The following SV2C variants were observed in gnomAD, a reference collection of about 807,000 sequenced individuals.
SV2C encodes synaptic vesicle glycoprotein 2C.
Under a neutral mutation model 79.7 loss-of-function variants are expected in SV2C, and 49 were observed. The ratio of observed to expected loss-of-function variants is 0.61; its 90% CI spans 0.49 to 0.78. The LOEUF is 0.78. SV2C is among the 30% of genes least tolerant of loss of function. SV2C has a pLI of 0.00. For missense variants in SV2C, 833 were observed against 912.9 expected (o/e 0.91, Z 1.13); for synonymous variants, 334 against 333.2 (o/e 1.00, Z -0.03).
At chr5:76,273,507 C>A (rs571339730) in intron 4 of SV2C, among the ~76,000 whole-genome samples, 1 of 152,184 alleles carries the variant, frequency 6.6e-6, no homozygotes, top group African/African-American at 2.4e-5. Flanking sequence ...AAAAATAAGC[C>A]CATGAATTTG....
chr5:76,279,098 C>A (rs988587107), intron 4 of SV2C, among the ~76,000 whole-genome samples: 8 of 152,210 alleles, frequency 5.3e-5, no homozygotes, highest in African/African-American at 1.9e-4. Flanking sequence ...GTTTTTGACA[C>A]GTGTATCTGG....
chr5:75,851,710 G>A, the SV2C span, among the ~76,000 whole-genome samples: 1 of 151,984 alleles, frequency 6.6e-6, no homozygotes, highest in Non-Finnish European at 1.5e-5. Context: ...GCGCGATCTC[G>A]GCTCACTGCA....
chr5:76,346,438 T>C (rs1291343844), intron 12 of SV2C, among the ~76,000 whole-genome samples: 1 of 152,238 alleles, frequency 6.6e-6, no homozygotes, highest in Admixed American at 6.5e-5. Flanking sequence ...TCCCAGGTTC[T>C]CTGGCTTGAG....
chr5:76,033,884 G>A, the SV2C span, among the ~76,000 whole-genome samples: 1 of 151,592 alleles, frequency 6.6e-6, no homozygotes, highest in Non-Finnish European at 1.5e-5. Flanking sequence ...CCATGAGCAT[G>A]GAATGTTCTT....
the SV2C span, among the ~76,000 whole-genome samples, chr5:75,956,032 C>A: frequency 1.4e-5 from 2 of 145,066 alleles, no homozygotes; most frequent in Non-Finnish European, 3.1e-5. Flanking sequence ...TTGACCCAGC[C>A]ATCCCATTAC....
the SV2C span, among the ~76,000 whole-genome samples, chr5:76,041,581 A>G: frequency 1.3e-5 from 2 of 152,176 alleles, no homozygotes. Context: ...AGAGACAGCG[A>G]ATGGGCTCCA....
intron 4 of SV2C, among the ~76,000 whole-genome samples, chr5:76,268,400 C>T (rs1034179493): frequency 9.2e-5 from 14 of 152,108 alleles, no homozygotes; most frequent in African/African-American, 3.4e-4. Context: ...CTTCGAGAGA[C>T]CTGAAGAGAA....
chr5:76,253,919 G>A (rs1304052060), intron 4 of SV2C, among the ~76,000 whole-genome samples: 1 of 152,042 alleles, frequency 6.6e-6, no homozygotes, highest in Non-Finnish European at 1.5e-5. Context: ...AGATTCTGCT[G>A]CAGACTATTC....
chr5:75,953,249 A>G, the SV2C span, among the ~76,000 whole-genome samples: 11 of 151,894 alleles, frequency 7.2e-5, no homozygotes, highest in African/African-American at 2.4e-4. Context: ...TCTCCCTCCC[A>G]AGGAGAGGAT....
At chr5:75,943,761 C>A in the SV2C span, among the ~76,000 whole-genome samples, 1 of 152,124 alleles carries the variant, frequency 6.6e-6, no homozygotes, top group East Asian at 1.9e-4. Flanking sequence ...ATGCTCAGGG[C>A]CTCCTTTTCT....
intron 1 of SV2C, among the ~76,000 whole-genome samples, chr5:76,127,654 C>T (rs1748753213): frequency 6.6e-6 from 1 of 152,212 alleles, no homozygotes; most frequent in East Asian, 1.9e-4. Flanking sequence ...TTCAGTGTGC[C>T]TTTGCCTTCC....
In SV2C at chr5:76,255,508, C is replaced by A. The variant is rs1385526456; in HGVS notation, c.914-29654C>A. Among the ~76,000 whole-genome samples the A allele has an allele frequency of 2.0e-5, 3 of 152,298 alleles. No individual in the cohort carries two copies. In the East Asian group the frequency reaches 5.8e-4, roughly 29 times the overall value. ...TCTCACTAGTCCTTCAGGAATGTAT[C>A]ACATTTCCTTCTTAACTGTGGCCCT... is the stretch of plus-strand genomic sequence containing the variant. On this transcript the variant is annotated intron_variant, in intron 4 of 12. Coordinates refer to ENST00000502798, the MANE Select transcript of SV2C (RefSeq NM_014979.4).
the SV2C span, among the ~76,000 whole-genome samples, chr5:76,020,591 C>A: frequency 1.3e-5 from 2 of 152,280 alleles, no homozygotes; most frequent in East Asian, 3.9e-4. Context: ...TTTATTGTCT[C>A]CCTCTCAGAG....
At chr5:76,105,442 A>G (rs868795743) in intron 1 of SV2C, among the ~76,000 whole-genome samples, 3 of 152,164 alleles carry the variant, frequency 2.0e-5, no homozygotes, top group Non-Finnish European at 2.9e-5. Flanking sequence ...TAAACAAAGG[A>G]ACCCAGGGGT....
chr5:76,217,889 T>G (rs1329635099), intron 4 of SV2C, among the ~76,000 whole-genome samples: 1 of 152,210 alleles, frequency 6.6e-6, no homozygotes, highest in Non-Finnish European at 1.5e-5. Flanking sequence ...TCAAGGGGCA[T>G]GTACTATATA....
At chr5:75,885,464 G>T in the SV2C span, among the ~76,000 whole-genome samples, 3 of 152,092 alleles carry the variant, frequency 2.0e-5, no homozygotes, top group African/African-American at 7.2e-5. Flanking sequence ...CTAAGCTGAG[G>T]GTTTCTCAGC....
Position 76,120,636 on chromosome 5 carries a change from T to C in SV2C, c.-101-11014T>C, listed in dbSNP as rs1393259810. ...TGCGGTGTTTGGTTTTTTGTCCTTG[T>C]GATAGTTTACTGAGAATGATGATTT... On this transcript the variant is annotated intron_variant, in intron 1 of 12. Coordinates refer to ENST00000502798, the MANE Select transcript of SV2C (RefSeq NM_014979.4). Among the ~76,000 whole-genome samples, 6 of 149,454 alleles carry C rather than the reference T, an allele frequency of 4.0e-5. No homozygotes were observed. The East Asian group carries it at 1.2e-3, about 30-fold the overall frequency.
chr5:76,098,689 A>G (rs1747641200), intron 1 of SV2C, among the ~76,000 whole-genome samples: 1 of 152,246 alleles, frequency 6.6e-6, no homozygotes, highest in South Asian at 2.1e-4. Context: ...ATGAACAAAC[A>G]AAACAAAACA....
chr5:76,291,179 C>A, intron 6 of SV2C, 42 bp from the exon 7 acceptor site: 1 of 1,495,294 alleles, frequency 6.7e-7, no homozygotes, highest in Non-Finnish European at 9.2e-7. Flanking sequence ...TCAGCAACTT[C>A]AGAGAAGGTA....
Sources: gnomAD v4.1 joint callset for allele counts (sites outside exome capture counted in the v4.1 genomes callset) on GRCh38, gnomAD v4.1.1 for gene constraint, MANE v1.5 for transcripts, NCBI Gene and HGNC (gene_info 2026-07-23, HGNC 2026-07-21) for gene names.